Variants in HELZ observed in about 807,000 individuals in gnomAD.
HELZ encodes ATP-dependent RNA helicase with zinc finger domain.
HELZ carries 23 observed loss-of-function variants against 218.2 expected under a neutral mutation model. The observed-to-expected ratio is 0.11, with a 90% confidence interval of 0.08 to 0.15. The LOEUF (loss-of-function observed/expected upper bound fraction) is 0.15, where lower values mean the gene tolerates loss of function less well. Ranked by LOEUF, HELZ falls within the 10% of genes least tolerant of loss-of-function variation. The probability of loss-of-function intolerance (pLI) is 1.00; values close to 1 mark genes in which losing one functional copy is unlikely to be tolerated. For synonymous variants in HELZ, 814 were observed against 829.4 expected, an observed-to-expected ratio of 0.98 and a Z score of 0.32; for missense variants, 1,813 against 2,353.7, an observed-to-expected ratio of 0.77 and a Z score of 4.75.
At chr17:67,096,818 G>A (rs1389101468) in intron 31 of HELZ, among the ~76,000 whole-genome samples, 1 of 152,172 alleles carries the variant, frequency 6.6e-6, no homozygotes, top group Admixed American at 6.5e-5. Flanking sequence ...TCAGCCATAA[G>A]GCTGTTTCAT....
rs748196478 is a variant in HELZ, at chr17:67,135,931, C to T, written c.3182+39G>A. On this transcript the variant is annotated intron_variant, in intron 23 of 32. Coordinates refer to ENST00000358691, the MANE Select transcript of HELZ (RefSeq NM_014877.4). ...ACACATAGGGATACAAATCATGTCA[C>T]ATTTCCCCTTTAATGTCTCAACATT... 5 of 1,486,046 alleles carry T rather than the reference C, an allele frequency of 3.4e-6. No homozygotes were observed. The Admixed American group carries it at 9.1e-5, about 27-fold the overall frequency. The allele number at this position is 1,486,046 out of a possible 1,614,324, so 92.1% of individuals were successfully genotyped here.
Position 67,188,439 on chromosome 17 carries a change from T to C in HELZ, c.1042A>G (p.Lys348Glu). ...AQNGLDHYVY[K>E]VGIAFNTEIF... ...TCTGTGTTAAATGCTATCCCGACTT[T>C]ATACACGTAATGATCTAATCCATTT... Residue 348 changes from lysine to glutamate, a missense_variant, in exon 12 of 33, where the codon AAA becomes GAA. This residue lies in a region of HELZ where 714 missense variants were observed against 1,029.2 expected (regional missense o/e 0.69). Coordinates refer to ENST00000358691, the MANE Select transcript of HELZ (RefSeq NM_014877.4). This position sits in a 1 kb window ranked among gnomAD's most constrained non-coding sequence, Gnocchi z 4.1. 6.2e-7 allele frequency: 1 copy of C among 1,614,014 alleles called. No individual in the cohort carries two copies. The highest frequency in any genetic ancestry group is 8.5e-7 in the Non-Finnish European group (1 of 1,179,864).
chr17:67,128,756 T>C lies in HELZ; in HGVS notation c.3282A>G (p.Leu1094=), dbSNP rs938963287. The C allele has an allele frequency of 3.1e-6, 5 of 1,614,154 alleles. No individual in the cohort carries two copies. In the Admixed American group the frequency reaches 8.3e-5, roughly 27 times the overall value. The part of the protein sequence containing the change: ...QIKAQLEALE[L]KKTYVLNPLA... ...GCGGATTCAACACATATGTCTTCTT[T>C]AGTTCTAAAGCCTCTAACTGGGCTT... The change falls in exon 24 of 33, where the codon CTA becomes CTG. Residue 1094 remains leucine (L), a synonymous_variant. Coordinates refer to ENST00000358691, the MANE Select transcript of HELZ (RefSeq NM_014877.4).
chr17:67,242,411 TCA>T (rs2041338491), intron 2 of HELZ, among the ~76,000 whole-genome samples: 1 of 69,696 alleles, frequency 1.4e-5, no homozygotes. Flanking sequence ...AAACTCTGTC[TCA>T]AAAAAAAAAA....
rs117820744 is a variant in HELZ at position 67,132,636 on chromosome 17, G to A, written c.3182+3334C>T. On this transcript the variant is annotated intron_variant, in intron 23 of 32. Transcript: ENST00000358691. ...GAGTGAATGAGGCAATGTGTGCAAA[G>A]CACATAAACCAGCACCTGGCTCAAA... 2.1e-4 allele frequency among the ~76,000 whole-genome samples: 32 copies of A among 152,274 alleles called. No homozygotes were observed. In the East Asian group the frequency reaches 2.1e-3, roughly 10 times the overall value.
Position 67,107,727 on chromosome 17 carries a change from C to G in HELZ, c.4725-42G>C, listed in dbSNP as rs756931984. The G allele has an allele frequency of 6.5e-6, 10 of 1,546,980 alleles. No individual in the cohort carries two copies. The East Asian group carries it at 6.7e-5, about 10-fold the overall frequency. On this transcript the variant is annotated intron_variant, in intron 30 of 32. Transcript: ENST00000358691. ...AAATATGAGGAGAAAACAAAAGGCT[C>G]CATCACATTAAGGAAAGCTTAGTCA...
chr17:67,085,025 T>G (rs1457252944), intron 32 of HELZ, among the ~76,000 whole-genome samples: 2 of 150,942 alleles, frequency 1.3e-5, no homozygotes, highest in African/African-American at 4.9e-5. Flanking sequence ...AGGAATCGCT[T>G]CAGCCCGGAT....
chr17:67,167,399 GAAGACTAC>G (rs1317024415), intron 14 of HELZ, 56 bp downstream of exon 14: 1 of 1,205,818 alleles, frequency 8.3e-7, no homozygotes, highest in East Asian at 2.3e-5. Context: ...TAAACCAGAG[GAAGACTAC>G]GAGCTGATAA....
chr17:67,136,212 T>G lies in HELZ; in HGVS notation c.2954-14A>C. 1 of 1,562,878 alleles carries G rather than the reference T, an allele frequency of 6.4e-7. No individual in the cohort carries two copies. The highest frequency in any genetic ancestry group is 8.7e-7 in the Non-Finnish European group (1 of 1,144,302). On this transcript the variant is annotated splice_polypyrimidine_tract_variant and intron_variant, in intron 22 of 32. Coordinates refer to ENST00000358691, the MANE Select transcript of HELZ (RefSeq NM_014877.4). ...TGAATTGCTTTCCTACAAAGAAAAT[T>G]TTTTAAGAAAAGACTTAAGATTGTC...
At chr17:67,197,506 C>T (rs540377542) in intron 7 of HELZ, among the ~76,000 whole-genome samples, 33 of 152,308 alleles carry the variant, frequency 2.2e-4, no homozygotes, top group Admixed American at 2.1e-3. Flanking sequence ...TGTGATAGCA[C>T]TTACTGACTG....
intron 27 of HELZ, among the ~76,000 whole-genome samples, chr17:67,114,910 G>A (rs2037384744): frequency 6.6e-6 from 1 of 152,188 alleles, no homozygotes; most frequent in Non-Finnish European, 1.5e-5. Context: ...ATAAGTGGGT[G>A]ATAAATAGTA....
chr17:67,191,317 C>T (rs183141691), intron 9 of HELZ, among the ~76,000 whole-genome samples: 50 of 152,234 alleles, frequency 3.3e-4, no homozygotes, highest in African/African-American at 9.9e-4. Flanking sequence ...ATTTATTCAA[C>T]AGTCATGTTA....
intron 3 of HELZ, chr17:67,224,791 A>C: frequency 1.7e-6 from 2 of 1,181,208 alleles, no homozygotes; most frequent in Non-Finnish European, 2.5e-6. Context: ...CCAACCCCAC[A>C]AAACGACACA....
intron 6 of HELZ, among the ~76,000 whole-genome samples, chr17:67,201,707 T>C (rs909640067): frequency 1.3e-5 from 2 of 152,168 alleles, no homozygotes; most frequent in African/African-American, 4.8e-5. Flanking sequence ...TCTTTACTCG[T>C]TTTAAATTTA....
In HELZ at chr17:67,151,002, T is replaced by C; in HGVS notation, c.2356+44A>G. ...TTGCCAATCCCAGTCTAAACTGAATTCATAAGCCCTAAACTTGTGAGACTG... is the reference window on the plus strand; with the variant it reads ...TTGCCAATCCCAGTCTAAACTGAATCCATAAGCCCTAAACTTGTGAGACTG... On this transcript the variant is annotated intron_variant, in intron 18 of 32. Coordinates refer to ENST00000358691, the MANE Select transcript of HELZ (RefSeq NM_014877.4). The C allele has an allele frequency of 2.6e-6, 4 of 1,556,612 alleles. No homozygotes were observed. In the Middle Eastern group the frequency reaches 5.1e-4, roughly 199 times the overall value.
chr17:67,080,079 T>C (rs2036141748), intron 32 of HELZ, among the ~76,000 whole-genome samples: 1 of 152,140 alleles, frequency 6.6e-6, no homozygotes. Flanking sequence ...TTACATCTTT[T>C]TGTGAATCTT....
At chr17:67,155,955 A>G (rs1407824242) in intron 17 of HELZ, among the ~76,000 whole-genome samples, 2 of 149,440 alleles carry the variant, frequency 1.3e-5, no homozygotes, top group Admixed American at 6.7e-5. Context: ...ATATACACAT[A>G]TAATTTTTAT....
chr17:67,174,910 C>T (rs766967145), intron 13 of HELZ, among the ~76,000 whole-genome samples: 3 of 152,250 alleles, frequency 2.0e-5, no homozygotes, highest in Non-Finnish European at 1.5e-5. Context: ...GGCAGCAGAT[C>T]TGACCACGAT....
chr17:67,220,860 C>CCAA (rs1555626578), intron 3 of HELZ, among the ~76,000 whole-genome samples: 2 of 132,000 alleles, frequency 1.5e-5, no homozygotes, highest in African/African-American at 3.0e-5. Flanking sequence ...CCCCCCCCCC[C>CCAA]AAAAAAAAAG....
Sources: gnomAD v4.1 joint callset for allele counts (sites outside exome capture counted in the v4.1 genomes callset) on GRCh38, gnomAD v4.1.1 for gene constraint, gnomAD v4.1.1 regional missense constraint, Gnocchi (gnomAD v3.1) non-coding constraint, MANE v1.5 for transcripts, NCBI Gene and HGNC (gene_info 2026-07-23, HGNC 2026-07-21) for gene names.